Variants in NKAIN3 observed in about 807,000 individuals in gnomAD.
NKAIN3 encodes sodium/potassium-transporting ATPase subunit beta-1-interacting protein 3.
Under a neutral mutation model 30.2 loss-of-function variants are expected in NKAIN3, and 25 were observed. The ratio of observed to expected loss-of-function variants is 0.83; its 90% confidence interval spans 0.60 to 1.16. The LOEUF is 1.16. Ranked by LOEUF, NKAIN3 falls within the 50% of genes most tolerant of loss-of-function variation. The pLI is 0.00. For synonymous variants in NKAIN3, 91 were observed against 89.6 expected, an observed-to-expected ratio of 1.02 and a Z score of -0.09; for missense variants, 225 against 254.1, an observed-to-expected ratio of 0.89 and a Z score of 0.78.
intron 3 of NKAIN3, among the ~76,000 whole-genome samples, chr8:62,685,933 C>G (rs1017172919): frequency 6.6e-6 from 1 of 152,168 alleles, no homozygotes; most frequent in Non-Finnish European, 1.5e-5. Context: ...GACTCTATAT[C>G]TGTATCCATA....
chr8:62,376,012 C>T (rs555987281), intron 1 of NKAIN3, among the ~76,000 whole-genome samples: 26 of 152,174 alleles, frequency 1.7e-4, no homozygotes, highest in Non-Finnish European at 3.4e-4. Context: ...AGAAGAGATG[C>T]AATCTCTCTC....
intron 3 of NKAIN3, among the ~76,000 whole-genome samples, chr8:62,592,525 A>C (rs186101089): frequency 3.9e-5 from 6 of 152,194 alleles, no homozygotes; most frequent in Middle Eastern, 3.4e-3. Flanking sequence ...AAATAAAAAT[A>C]ATGCAAACAG....
At chr8:62,290,885 G>T (rs1182632764) in intron 1 of NKAIN3, among the ~76,000 whole-genome samples, 1 of 152,052 alleles carries the variant, frequency 6.6e-6, no homozygotes, top group Admixed American at 6.6e-5. Flanking sequence ...TTTTTGGTTG[G>T]TAGGCTATTC....
At chr8:62,680,814 A>G (rs970647711) in intron 3 of NKAIN3, among the ~76,000 whole-genome samples, 1 of 152,218 alleles carries the variant, frequency 6.6e-6, no homozygotes, top group African/African-American at 2.4e-5. Context: ...ACTCAGTTAT[A>G]TAAATTTTCC....
intron 4 of NKAIN3, among the ~76,000 whole-genome samples, chr8:62,865,464 T>A (rs1820388051): frequency 6.6e-6 from 1 of 152,098 alleles, no homozygotes; most frequent in South Asian, 2.1e-4. Flanking sequence ...CATTTTGCTT[T>A]TTGTGCACTC....
At chr8:62,485,755 C>A (rs1806880048) in intron 1 of NKAIN3, among the ~76,000 whole-genome samples, 1 of 152,102 alleles carries the variant, frequency 6.6e-6, no homozygotes. Flanking sequence ...CTAAACCGGA[C>A]AATGATCCTG....
intron 3 of NKAIN3, among the ~76,000 whole-genome samples, chr8:62,695,593 A>G (rs1563520106): frequency 2.6e-5 from 4 of 152,240 alleles, no homozygotes; most frequent in Non-Finnish European, 5.9e-5. Context: ...TCCAAAATTG[A>G]GGCCAGAGCC....
chr8:62,309,948 T>G (rs1814374541), intron 1 of NKAIN3, among the ~76,000 whole-genome samples: 1 of 150,294 alleles, frequency 6.7e-6, no homozygotes, highest in African/African-American at 2.5e-5. Flanking sequence ...ATATCTCACA[T>G]TCATCCTCAA....
chr8:62,482,621 G>A (rs1267402430), intron 1 of NKAIN3: 1 of 152,214 alleles, frequency 6.6e-6, no homozygotes, highest in Non-Finnish European at 1.5e-5. Flanking sequence ...ATGGATTCAG[G>A]GAAGAGTGCC....
At chr8:62,725,482 C>A (rs1371678027) in intron 3 of NKAIN3, among the ~76,000 whole-genome samples, 4 of 151,994 alleles carry the variant, frequency 2.6e-5, no homozygotes, top group Admixed American at 2.6e-4. Context: ...CCAAAGTTTT[C>A]TTTTAGTAGT....
chr8:62,603,346 T>G (rs1811036737), intron 3 of NKAIN3, among the ~76,000 whole-genome samples: 1 of 152,144 alleles, frequency 6.6e-6, no homozygotes, highest in African/African-American at 2.4e-5. Context: ...TGTGTACTAC[T>G]GGATAGCCTT....
chr8:62,863,901 C>G, intron 4 of NKAIN3: 1 of 1,329,034 alleles, frequency 7.5e-7, no homozygotes, highest in South Asian at 1.2e-5. Flanking sequence ...TCATCTGATC[C>G]AGGATCTCCT....
intron 4 of NKAIN3, among the ~76,000 whole-genome samples, chr8:62,821,438 T>C (rs977763795): frequency 1.3e-5 from 2 of 152,202 alleles, no homozygotes; most frequent in African/African-American, 4.8e-5. Flanking sequence ...GGTTATGATG[T>C]TTCTTTTCAG....
At chr8:62,493,436 A>G (rs1346370001) in intron 1 of NKAIN3, among the ~76,000 whole-genome samples, 6 of 152,126 alleles carry the variant, frequency 3.9e-5, no homozygotes, top group African/African-American at 1.4e-4. Flanking sequence ...GCCCTGTAAT[A>G]TAATTTGAAG....
Position 62,965,517 on chromosome 8 carries a change from G to A in NKAIN3, c.*110G>A. 1.0e-6 allele frequency: 1 copy of A among 984,686 alleles called. No individual in the cohort carries two copies. Among genetic ancestry groups the A allele is most frequent in the Non-Finnish European group, 1.2e-6 (1 of 829,818 alleles). 61.0% of individuals were successfully genotyped at this position (984,686 alleles called of 1,614,324 possible). Reference sequence around the variant, plus strand: ...TTCCCACGAATCATGGAGCATTTTGGTCACAGCCTTTGTATTATTAGCATT... The same window carrying A: ...TTCCCACGAATCATGGAGCATTTTGATCACAGCCTTTGTATTATTAGCATT... On this transcript the variant is annotated 3_prime_UTR_variant, in exon 7 of 7. Transcript: ENST00000623646.
rs1226239278 is a variant in NKAIN3, at chr8:62,970,326, G to T, written c.*4919G>T. ...ATTATCAAAAAATTCAAAAGTTATG[G>T]GTAGCATCTCTTTTTCATCTGAAAA... is the stretch of plus-strand genomic sequence containing the variant. On this transcript the variant is annotated 3_prime_UTR_variant, in exon 7 of 7. Transcript: ENST00000623646. Among the ~76,000 whole-genome samples, 5 of 151,922 alleles carry T rather than the reference G, an allele frequency of 3.3e-5. No individual in the cohort carries two copies. The highest frequency in any genetic ancestry group is 3.2e-3 in the Middle Eastern group (1 of 316).
chr8:62,884,051 T>A (rs536259028), intron 4 of NKAIN3, among the ~76,000 whole-genome samples: 90 of 152,314 alleles, frequency 5.9e-4, no homozygotes, highest in African/African-American at 2.0e-3. Context: ...ATAACTGGGA[T>A]AAATCTCACT....
intron 3 of NKAIN3, among the ~76,000 whole-genome samples, chr8:62,628,420 T>A (rs986698774): frequency 6.6e-6 from 1 of 152,164 alleles, no homozygotes; most frequent in Non-Finnish European, 1.5e-5. Context: ...TGTCATCACC[T>A]GTATTTGAAA....
intron 1 of NKAIN3, among the ~76,000 whole-genome samples, chr8:62,503,276 C>A (rs547888135): frequency 2.9e-4 from 44 of 152,208 alleles, no homozygotes; most frequent in African/African-American, 9.4e-4. Flanking sequence ...GCAAAACCAG[C>A]AAGTTTTTAT....
Sources: gnomAD v4.1 joint callset for allele counts (sites outside exome capture counted in the v4.1 genomes callset) on GRCh38, gnomAD v4.1.1 for gene constraint, MANE v1.5 for transcripts, NCBI Gene and HGNC (gene_info 2026-07-23, HGNC 2026-07-21) for gene names.